The following ANKRD66 variants were observed in gnomAD, a reference collection of about 807,000 sequenced individuals.
The protein encoded by ANKRD66 is ankyrin repeat domain 66, also known as ankyrin repeat domain-containing protein 66.
Under a neutral mutation model 10.9 loss-of-function variants are expected in ANKRD66, and 10 were observed. That is an observed-to-expected ratio of 0.91 (90% CI 0.56 to 1.55). The LOEUF (loss-of-function observed/expected upper bound fraction) is 1.55. Ranked by LOEUF, ANKRD66 falls within the 40% of genes most tolerant of loss-of-function variation. ANKRD66 has a pLI of 0.00. For missense variants in ANKRD66, 252 were observed against 242.9 expected, an observed-to-expected ratio of 1.04 and a Z score of -0.25; for synonymous variants, 85 against 88.4, an observed-to-expected ratio of 0.96 and a Z score of 0.22.
At chr6:46,747,133 T>A (rs1582603002) in intron 1 of ANKRD66, 143 bp downstream of exon 1, 1 of 752,224 alleles carries the variant, frequency 1.3e-6, no homozygotes, top group East Asian at 2.9e-5. Context: ...AGATAGGAAA[T>A]CAAGTGCATT....
chr6:46,754,042 A>C (rs1435092568), intron 4 of ANKRD66, 92 bp downstream of exon 4: 1 of 1,125,938 alleles, frequency 8.9e-7, no homozygotes, highest in African/African-American at 1.6e-5. Flanking sequence ...CAGGTCAATG[A>C]AAATGAAATG....
chr6:46,758,745 C>A lies in ANKRD66; in HGVS notation c.415C>A (p.His139Asn). The stretch of plus-strand genomic sequence containing the variant: ...TAGGGCAGAGCCCGAGTGCCAGGAC[C>A]ACCGTTGCGCTGCCCAGCAGAAGGG... The part of the protein sequence containing the change: ...LEKAEPECQD[H>N]RCAAQQKGLP... The change falls in exon 5 of 5, where the codon CAC becomes AAC. Residue 139 changes from histidine to asparagine, a missense_variant. By Grantham distance (68) the His-to-Asn change is moderately conservative. Coordinates refer to ENST00000565422, the MANE Select transcript of ANKRD66 (RefSeq NM_001162435.3). The A allele has an allele frequency of 6.5e-7, 1 of 1,549,514 alleles. No homozygotes were observed. The highest frequency in any genetic ancestry group is 8.7e-7 in the Non-Finnish European group (1 of 1,146,374).
intron 1 of ANKRD66, among the ~76,000 whole-genome samples, chr6:46,747,714 G>A (rs1169506314): frequency 6.6e-6 from 1 of 152,106 alleles, no homozygotes; most frequent in East Asian, 1.9e-4. Context: ...GAACCTTTGG[G>A]ATGTTTCCAC....
At chr6:46,747,108 G>A (rs1766160775) in intron 1 of ANKRD66, 118 bp downstream of exon 1, 4 of 959,952 alleles carry the variant, frequency 4.2e-6, no homozygotes, top group Non-Finnish European at 4.5e-6. Context: ...TATGGTAGAT[G>A]TGCCTCTACC....
In ANKRD66 at chr6:46,749,991, G is replaced by C. The variant is rs749498192; in HGVS notation, c.-13+12G>C. On this transcript the variant is annotated intron_variant, in intron 2 of 4. Transcript: ENST00000565422. ...GAGTTTCAGATTCTGTAAGTCTGGG[G>C]CTGAGCACAATAATTTGCATTTCTA... The C allele has an allele frequency of 3.9e-5, 52 of 1,344,228 alleles. No homozygotes were observed. The highest frequency in any genetic ancestry group is 5.3e-5 in the Non-Finnish European group (51 of 958,528). 83.3% of individuals were successfully genotyped at this position (1,344,228 alleles called of 1,614,324 possible).
chr6:46,756,224 C>A, intron 4 of ANKRD66: 1 of 268,594 alleles, frequency 3.7e-6, no homozygotes, highest in South Asian at 3.6e-5. Flanking sequence ...TGTTAGCAAT[C>A]AAATTGAGTA....
Position 46,749,931 on chromosome 6 carries a change from G to T in ANKRD66, c.-61G>T. 1 of 1,549,308 alleles carries T rather than the reference G, an allele frequency of 6.5e-7. No individual in the cohort carries two copies. Among genetic ancestry groups the T allele is most frequent in the Non-Finnish European group, 8.7e-7 (1 of 1,145,074 alleles). On this transcript the variant is annotated 5_prime_UTR_variant, in exon 2 of 5. Coordinates refer to ENST00000565422, the MANE Select transcript of ANKRD66 (RefSeq NM_001162435.3). ...ACATTTCAATGCACTCACCTGGAGG[G>T]CTTACCACAACAAAGATGGCCGGAC...
intron 2 of ANKRD66, among the ~76,000 whole-genome samples, chr6:46,750,851 A>G (rs528183921): frequency 7.4e-4 from 112 of 152,032 alleles, no homozygotes; most frequent in African/African-American, 2.5e-3. Context: ...GCAGTCTGAA[A>G]TGATATCAAT....
intron 2 of ANKRD66, among the ~76,000 whole-genome samples, chr6:46,750,376 G>T (rs1181447213): frequency 6.6e-6 from 1 of 151,792 alleles, no homozygotes; most frequent in Non-Finnish European, 1.5e-5. Context: ...TAATATAAAT[G>T]ACATTTTATG....
chr6:46,749,926 G>A lies in ANKRD66; in HGVS notation c.-66G>A. On this transcript the variant is annotated 5_prime_UTR_variant, in exon 2 of 5. Coordinates refer to ENST00000565422, the MANE Select transcript of ANKRD66 (RefSeq NM_001162435.3). ...TTCTCACATTTCAATGCACTCACCT[G>A]GAGGGCTTACCACAACAAAGATGGC... is the stretch of plus-strand genomic sequence containing the variant. 1.9e-6 allele frequency: 3 copies of A among 1,550,278 alleles called. No homozygotes were observed. The highest frequency in any genetic ancestry group is 2.6e-6 in the Non-Finnish European group (3 of 1,145,888).
At chr6:46,756,058 C>T (rs930121966) in intron 4 of ANKRD66, 1 of 447,070 alleles carries the variant, frequency 2.2e-6, no homozygotes, top group Non-Finnish European at 4.5e-6. Flanking sequence ...TAAACAACTA[C>T]CTTCTCTTTC....
At chr6:46,749,784 T>C (rs1766228943) in intron 1 of ANKRD66, 112 bp from the exon 2 acceptor site, 2 of 1,338,256 alleles carry the variant, frequency 1.5e-6, no homozygotes, top group South Asian at 1.6e-5. Flanking sequence ...AGGCCACTTT[T>C]AGAGAAAGCT....
At chr6:46,755,736 C>T (rs1490047220) in intron 4 of ANKRD66, among the ~76,000 whole-genome samples, 6 of 152,062 alleles carry the variant, frequency 3.9e-5, no homozygotes, top group Admixed American at 3.9e-4. Flanking sequence ...GTTAGAGGCC[C>T]TTCTGAATTG....
intron 4 of ANKRD66, chr6:46,757,750 T>C (rs1766410047): frequency 1.3e-5 from 2 of 152,228 alleles, no homozygotes; most frequent in African/African-American, 2.4e-5. Flanking sequence ...CCCCAAGTGA[T>C]AAACCTCTCA....
At chr6:46,747,961 T>C (rs527791376) in intron 1 of ANKRD66, among the ~76,000 whole-genome samples, 2 of 152,278 alleles carry the variant, frequency 1.3e-5, no homozygotes, top group South Asian at 2.1e-4. Context: ...GTTCAATTGT[T>C]TTGTGGCAAT....
intron 4 of ANKRD66, among the ~76,000 whole-genome samples, chr6:46,755,601 C>T (rs1766366333): frequency 2.6e-5 from 4 of 152,138 alleles, no homozygotes; most frequent in Admixed American, 2.6e-4. Flanking sequence ...GAAGGCCATT[C>T]ATTATTCGTG....
chr6:46,752,319 C>T (rs775022792), intron 3 of ANKRD66, among the ~76,000 whole-genome samples: 6 of 152,180 alleles, frequency 3.9e-5, no homozygotes, highest in Non-Finnish European at 8.8e-5. Context: ...ACTATAACCT[C>T]CACCTCCTGG....
chr6:46,751,955 T>C lies in ANKRD66; in HGVS notation c.7T>C (p.Leu3=), dbSNP rs1486219619. 3 of 1,455,848 alleles carry C rather than the reference T, an allele frequency of 2.1e-6. No homozygotes were observed. The highest frequency in any genetic ancestry group is 2.7e-6 in the Non-Finnish European group (3 of 1,106,018). 90.2% of individuals were successfully genotyped at this position (1,455,848 alleles called of 1,614,324 possible). A position where few individuals can be genotyped will look rare whatever the true frequency, so the allele number is the denominator to read the frequency against. The part of the protein sequence containing the change: ME[L]AKMSDMTKLH... ...CCCACAGTTGTTTTCTGCCATGGAA[T>C]TGGCCAAAATGTCAGACATGACAAA... Residue 3 remains leucine (L), a synonymous_variant, in exon 3 of 5, where the codon TTG becomes CTG. Transcript: ENST00000565422.
At chr6:46,749,770 G>C (rs1280748140) in intron 1 of ANKRD66, 126 bp from the exon 2 acceptor site, 2 of 1,228,380 alleles carry the variant, frequency 1.6e-6, no homozygotes. Flanking sequence ...TCAGGACCCA[G>C]CTTAGGCCAC....
Sources: allele counts gnomAD v4.1 joint callset (sites outside exome capture counted in the v4.1 genomes callset), GRCh38; gene constraint gnomAD v4.1.1; transcripts MANE v1.5; gene names NCBI Gene and HGNC (gene_info 2026-07-23, HGNC 2026-07-21).